RNF20: variants seen among roughly 807,000 people sequenced by gnomAD.
RNF20 encodes the protein E3 ubiquitin-protein ligase BRE1A.
A neutral mutation model predicts 126.2 loss-of-function variants in RNF20; 84 were observed. The ratio of observed to expected loss-of-function variants is 0.67; its 90% CI spans 0.56 to 0.80. The LOEUF is 0.80. Ranked by LOEUF, RNF20 falls within the 30% of genes least tolerant of loss-of-function variation. The pLI, the probability that RNF20 is intolerant of heterozygous loss-of-function variation, is 0.00. For synonymous variants in RNF20, 400 were observed against 414.3 expected, an observed-to-expected ratio of 0.97 and a Z score of 0.42; for missense variants, 869 against 1,188.2, an observed-to-expected ratio of 0.73 and a Z score of 3.95.
At chr9:101,557,163 C>T (rs1827549012) in intron 15 of RNF20, among the ~76,000 whole-genome samples, 1 of 152,196 alleles carries the variant, frequency 6.6e-6, no homozygotes, top group Non-Finnish European at 1.5e-5. Flanking sequence ...ATTTAACTGA[C>T]GTTGAGTACA....
Position 101,551,797 on chromosome 9 carries a change from C to T in RNF20, c.1386C>T (p.Thr462=). The T allele has an allele frequency of 6.2e-7, 1 of 1,608,664 alleles. No homozygotes were observed. Among genetic ancestry groups the T allele is most frequent in the Non-Finnish European group, 8.5e-7 (1 of 1,178,440 alleles). The stretch of plus-strand genomic sequence containing the variant: ...TGCTGAGGATAGAATTTGAGCAGAC[C>T]CTTGCTGCCAATGAACAAGCAGGTA... ...YEMLRIEFEQ[T]LAANEQAGPI... is the part of the protein sequence containing the mutation. Residue 462 remains threonine (T), a synonymous_variant, in exon 11 of 20, where the codon ACC becomes ACT. Transcript: ENST00000389120.
intron 15 of RNF20, among the ~76,000 whole-genome samples, chr9:101,555,783 C>G (rs572647583): frequency 6.7e-6 from 1 of 149,302 alleles, no homozygotes; most frequent in East Asian, 2.0e-4. Flanking sequence ...GAAACCCCAT[C>G]ACTATTAAAA....
intron 10 of RNF20, among the ~76,000 whole-genome samples, chr9:101,551,146 A>T (rs1827437798): frequency 6.6e-6 from 1 of 152,218 alleles, no homozygotes; most frequent in Non-Finnish European, 1.5e-5. Flanking sequence ...TTGGTAGTTG[A>T]AAGTAGGAGA....
At chr9:101,550,309 A>G (rs1045765525) in intron 9 of RNF20, among the ~76,000 whole-genome samples, 6 of 152,190 alleles carry the variant, frequency 3.9e-5, no homozygotes, top group Non-Finnish European at 5.9e-5. Context: ...TGTTTTTAAA[A>G]TAAGCATCCT....
Position 101,552,272 on chromosome 9 carries a change from G to A in RNF20, c.1530+10G>A, listed in dbSNP as rs1459104708. 2.5e-6 allele frequency: 4 copies of A among 1,614,054 alleles called. No individual in the cohort carries two copies. In the African/African-American group the frequency reaches 4.0e-5, roughly 16 times the overall value. The stretch of plus-strand genomic sequence containing the variant: ...GTCTGACCTGAACAAGGTAACCAGA[G>A]GGAATAGAATAAATATCATTTGCTA... On this transcript the variant is annotated intron_variant, in intron 12 of 19. Coordinates refer to ENST00000389120, the MANE Select transcript of RNF20 (RefSeq NM_019592.7).
At chr9:101,550,065 C>T (rs4743471) in intron 9 of RNF20, among the ~76,000 whole-genome samples, 22,775 of 152,134 alleles carry the variant, frequency 0.15, 2,266 homozygotes, top group East Asian at 0.36. Flanking sequence ...ACTCCTCTTT[C>T]GATCATAGTC....
intron 11 of RNF20, 151 bp downstream of exon 11, chr9:101,551,970 G>A (rs1330034039): frequency 1.2e-5 from 15 of 1,298,104 alleles, no homozygotes; most frequent in Non-Finnish European, 1.5e-5. Context: ...CAGCCTGGAT[G>A]TTTGTTTTTT....
At chr9:101,541,037 C>A in intron 5 of RNF20, 62 bp downstream of exon 5, 2 of 1,345,440 alleles carry the variant, frequency 1.5e-6, no homozygotes, top group Non-Finnish European at 2.1e-6. Flanking sequence ...TTTTTGCATG[C>A]TAATTTGTAG....
At chr9:101,544,232 T>A (rs2118690661) in intron 5 of RNF20, among the ~76,000 whole-genome samples, 1 of 152,324 alleles carries the variant, frequency 6.6e-6, no homozygotes, top group South Asian at 2.1e-4. Flanking sequence ...GAAGTGCCCC[T>A]AACATAGTAT....
chr9:101,537,949 A>G (rs920568083), intron 2 of RNF20, among the ~76,000 whole-genome samples: 2 of 152,212 alleles, frequency 1.3e-5, no homozygotes, highest in African/African-American at 4.8e-5. Flanking sequence ...AGTAGAGACA[A>G]TGCTTTATAA....
chr9:101,541,710 TACTTA>T (rs1449034538), intron 5 of RNF20, among the ~76,000 whole-genome samples: 7 of 152,254 alleles, frequency 4.6e-5, no homozygotes, highest in South Asian at 2.1e-4. Flanking sequence ...AGTTAATTTT[TACTTA>T]ACTTATTTTT....
intron 9 of RNF20, among the ~76,000 whole-genome samples, chr9:101,548,353 A>G (rs1001038543): frequency 6.6e-6 from 1 of 152,184 alleles, no homozygotes; most frequent in Non-Finnish European, 1.5e-5. Context: ...GTTGGGGAAA[A>G]GGTACAAAGT....
rs1363297237 is a variant in RNF20, at chr9:101,554,810, A to G, written c.2136A>G (p.Glu712=). ...TCCGGGCAGTGGAGGAGCAGATAGA[A>G]TACCTACAGAAGAAGCTAGCCATGG... The part of the protein sequence containing the change: ...RKIRAVEEQI[E]YLQKKLAMAK... Residue 712 remains glutamate (E), a synonymous_variant, in exon 15 of 20, where the codon GAA becomes GAG. Transcript: ENST00000389120. The G allele has an allele frequency of 2.6e-6, 4 of 1,517,574 alleles. No individual in the cohort carries two copies. Among genetic ancestry groups the G allele is most frequent in the Non-Finnish European group, 1.8e-6 (2 of 1,124,768 alleles). The allele number at this position is 1,517,574 out of a possible 1,614,324, so 94.0% of individuals were successfully genotyped here. A position where few individuals can be genotyped will look rare whatever the true frequency, so the allele number is the denominator to read the frequency against.
chr9:101,538,784 A>T (rs1013862175), intron 2 of RNF20, among the ~76,000 whole-genome samples: 2 of 152,208 alleles, frequency 1.3e-5, no homozygotes, highest in African/African-American at 4.8e-5. Context: ...TGGTGGTGTA[A>T]TAAACAATTG....
chr9:101,554,333 G>A (rs1448839975), intron 14 of RNF20, among the ~76,000 whole-genome samples: 2 of 152,140 alleles, frequency 1.3e-5, no homozygotes, highest in Non-Finnish European at 2.9e-5. Context: ...TCCAAAGTAT[G>A]TATTCCTTGT....
intron 18 of RNF20, 37 bp downstream of exon 18, chr9:101,561,267 G>A: frequency 1.9e-6 from 3 of 1,605,662 alleles, no homozygotes; most frequent in Non-Finnish European, 1.7e-6. Context: ...CCTTTTAGGT[G>A]TTTTCTGAGG....
chr9:101,545,124 A>G (rs1827327693), intron 6 of RNF20, among the ~76,000 whole-genome samples: 1 of 152,230 alleles, frequency 6.6e-6, no homozygotes, highest in African/African-American at 2.4e-5. Flanking sequence ...GGAAGTAGAA[A>G]CTACTGTATT....
intron 5 of RNF20, among the ~76,000 whole-genome samples, chr9:101,542,555 C>G (rs1196097538): frequency 6.6e-6 from 1 of 152,136 alleles, no homozygotes; most frequent in African/African-American, 2.4e-5. Context: ...TGGATGTGAA[C>G]CTCCCTGTCA....
Position 101,552,262 on chromosome 9 carries a change from G to C in RNF20, c.1530G>C (p.Lys510Asn). Reference sequence around the variant, plus strand: ...GAGAAGCCCAGTCTGACCTGAACAAGGTAACCAGAGGGAATAGAATAAATA... The same window carrying C: ...GAGAAGCCCAGTCTGACCTGAACAACGTAACCAGAGGGAATAGAATAAATA... The part of the protein sequence containing the change: ...KLREAQSDLN[K>N]TRLRSGSALL... The change falls in exon 12 of 20, where the codon AAG becomes AAC. Residue 510 changes from lysine (K) to asparagine (N), a missense_variant and splice_region_variant. Lys to Asn is a moderately conservative substitution (Grantham distance 94). This residue lies in a region of RNF20 where 231 missense variants were observed against 263.6 expected (regional missense o/e 0.88). Transcript: ENST00000389120. The C allele has an allele frequency of 1.2e-6, 2 of 1,614,164 alleles. No homozygotes were observed. The highest frequency in any genetic ancestry group is 1.7e-6 in the Non-Finnish European group (2 of 1,180,014).
Sources: allele counts gnomAD v4.1 joint callset (sites outside exome capture counted in the v4.1 genomes callset), GRCh38; gene constraint gnomAD v4.1.1; regional missense constraint gnomAD v4.1.1; transcripts MANE v1.5; gene names NCBI Gene and HGNC (gene_info 2026-07-23, HGNC 2026-07-21).